Variants in GPC6 observed in about 807,000 individuals in gnomAD.
GPC6 encodes glypican-6.
A neutral mutation model predicts 55.2 loss-of-function variants in GPC6; 14 were observed. The observed-to-expected ratio is 0.25, with a 90% CI of 0.17 to 0.40. The LOEUF (loss-of-function observed/expected upper bound fraction) is 0.40. GPC6 is among the 10% of genes least tolerant of loss of function. The pLI is 1.00. For synonymous variants in GPC6, 278 were observed against 259.6 expected, an observed-to-expected ratio of 1.07 and a Z score of -0.68; for missense variants, 641 against 708.5, an observed-to-expected ratio of 0.90 and a Z score of 1.08.
rs920595202 is a variant in GPC6, at chr13:93,883,194, T to C, written c.711+52649T>C. Among the ~76,000 whole-genome samples, 40 of 150,966 alleles carry C rather than the reference T, an allele frequency of 2.6e-4. 1 individual carries two copies. Among genetic ancestry groups the C allele is most frequent in the African/African-American group, 9.0e-4 (37 of 41,028 alleles). ...GGTAGCAAAAATAATGCATGATCAA[T>C]AGTAAAATTGTAGAAAGAGTGGATC... On this transcript the variant is annotated intron_variant, in intron 3 of 8. Coordinates refer to ENST00000377047, the MANE Select transcript of GPC6 (RefSeq NM_005708.5).
intron 2 of GPC6, among the ~76,000 whole-genome samples, chr13:93,762,168 G>C (rs1180679997): frequency 6.6e-6 from 1 of 152,022 alleles, no homozygotes; most frequent in Admixed American, 6.6e-5. Context: ...TTAATGTAAG[G>C]TTCATCCATG....
chr13:94,266,416 C>T (rs1270673557), intron 4 of GPC6, among the ~76,000 whole-genome samples: 1 of 152,176 alleles, frequency 6.6e-6, no homozygotes, highest in Admixed American at 6.5e-5. Context: ...GATCCGCCCG[C>T]CTTGGCCTCC....
chr13:93,965,102 GTTTGTTTTTTTTT>G lies in GPC6; in HGVS notation c.712-62623_712-62611del, dbSNP rs1407100198. Among the ~76,000 whole-genome samples, 3 of 113,336 alleles carry G rather than the reference GTTTGTTTTTTTTT, an allele frequency of 2.6e-5. No homozygotes were observed. The East Asian group carries it at 9.8e-4, about 37-fold the overall frequency. 74.4% of individuals were successfully genotyped at this position (113,336 alleles called of 152,430 possible). A position where few individuals can be genotyped will look rare whatever the true frequency, so the allele number is the denominator to read the frequency against. ...AGTAAGTATTTGGGAAACACTATGA[GTTTGTTTTTTTTT>G]TTTTTTTTTTTTTTTTTAGCAAGGG... is the stretch of plus-strand genomic sequence containing the variant. On this transcript the variant is annotated intron_variant, in intron 3 of 8. Coordinates refer to ENST00000377047, the MANE Select transcript of GPC6 (RefSeq NM_005708.5).
At chr13:93,287,747 T>C (rs1195435173) in intron 1 of GPC6, among the ~76,000 whole-genome samples, 1 of 152,230 alleles carries the variant, frequency 6.6e-6, no homozygotes, top group East Asian at 1.9e-4. Flanking sequence ...GGAAATGAGA[T>C]CCATATGTTT....
chr13:93,985,786 G>A (rs1161589316), intron 3 of GPC6, among the ~76,000 whole-genome samples: 1 of 150,088 alleles, frequency 6.7e-6, no homozygotes, highest in African/African-American at 2.4e-5. Context: ...TGCTTGTATT[G>A]AATCTGGAAT....
chr13:93,989,921 T>C (rs529280418), intron 3 of GPC6, among the ~76,000 whole-genome samples: 49 of 115,016 alleles, frequency 4.3e-4, no homozygotes, highest in Middle Eastern at 5.0e-3. Context: ...TATACACACA[T>C]ATATATATAT....
chr13:93,738,231 TTATC>T (rs201723201), intron 2 of GPC6, among the ~76,000 whole-genome samples: 3,013 of 152,286 alleles, frequency 0.02, 50 homozygotes, highest in South Asian at 0.033. Context: ...TACCTTATTA[TTATC>T]ATTATTATAT....
chr13:94,336,188 C>T (rs58259931), intron 6 of GPC6, among the ~76,000 whole-genome samples: 6,358 of 152,204 alleles, frequency 0.042, 200 homozygotes, highest in African/African-American at 0.087. Context: ...ACCTCCTGTT[C>T]TCCTGCTAGC....
chr13:93,783,564 A>ATCTATCTG (rs1222571063), intron 2 of GPC6, among the ~76,000 whole-genome samples: 90 of 134,348 alleles, frequency 6.7e-4, no homozygotes, highest in African/African-American at 2.5e-3. Context: ...TGGTTTTGAG[A>ATCTATCTG]TCTATCTATC....
At chr13:94,100,942 G>C (rs571371574) in intron 4 of GPC6, among the ~76,000 whole-genome samples, 6 of 152,304 alleles carry the variant, frequency 3.9e-5, no homozygotes, top group Admixed American at 2.0e-4. Flanking sequence ...GGATATTACA[G>C]TCAATAGGTT....
At chr13:93,676,122 AAAAAATATATATATATATAT>A (rs1203589944) in intron 2 of GPC6, among the ~76,000 whole-genome samples, 42 of 12,154 alleles carry the variant, frequency 3.5e-3, no homozygotes, top group African/African-American at 6.6e-3. Context: ...AAAAAAAAAA[AAAAAATATATATATATATAT>A]ATATATATAT....
intron 6 of GPC6, among the ~76,000 whole-genome samples, chr13:94,377,564 G>A (rs1262239232): frequency 6.7e-6 from 1 of 149,104 alleles, no homozygotes; most frequent in East Asian, 2.0e-4. Context: ...TGGAGAGGAT[G>A]TGGAGAAATA....
chr13:94,264,098 ATC>A (rs1238266300), intron 4 of GPC6, among the ~76,000 whole-genome samples: 1 of 152,126 alleles, frequency 6.6e-6, no homozygotes, highest in Non-Finnish European at 1.5e-5. Flanking sequence ...TTAGTCATTG[ATC>A]TCCCACATAC....
At chr13:93,812,340 C>T (rs1267740082) in intron 2 of GPC6, among the ~76,000 whole-genome samples, 2 of 151,036 alleles carry the variant, frequency 1.3e-5, no homozygotes, top group South Asian at 2.1e-4. Flanking sequence ...GAGCCGAGGT[C>T]GTGCCACTGC....
chr13:93,921,084 C>A (rs779698095), intron 3 of GPC6, among the ~76,000 whole-genome samples: 90 of 152,294 alleles, frequency 5.9e-4, no homozygotes, highest in Non-Finnish European at 1.2e-3. Flanking sequence ...TGCCAGAAAA[C>A]CCTAGCTCTC....
intron 2 of GPC6, among the ~76,000 whole-genome samples, chr13:93,669,263 A>G (rs774209686): frequency 1.3e-5 from 2 of 152,186 alleles, no homozygotes; most frequent in Non-Finnish European, 2.9e-5. Context: ...AGTAGTAACC[A>G]TAGATTATGA....
At chr13:93,406,826 G>A (rs1876309734) in intron 1 of GPC6, among the ~76,000 whole-genome samples, 1 of 152,086 alleles carries the variant, frequency 6.6e-6, no homozygotes, top group South Asian at 2.1e-4. Flanking sequence ...TACGGAGCAT[G>A]AGCTATTTCA....
intron 6 of GPC6, among the ~76,000 whole-genome samples, chr13:94,372,642 C>T (rs1267775553): frequency 1.3e-5 from 2 of 152,076 alleles, no homozygotes; most frequent in African/African-American, 4.8e-5. Flanking sequence ...GGGGGAGGGG[C>T]GCCCGCCATT....
At chr13:93,549,330 G>T (rs1874997607) in intron 2 of GPC6, among the ~76,000 whole-genome samples, 2 of 152,150 alleles carry the variant, frequency 1.3e-5, no homozygotes, top group Non-Finnish European at 2.9e-5. Flanking sequence ...TTAGTGATTA[G>T]CCTGTCAAAT....
Sources: allele counts gnomAD v4.1 joint callset (sites outside exome capture counted in the v4.1 genomes callset), GRCh38; gene constraint gnomAD v4.1.1; transcripts MANE v1.5; gene names NCBI Gene and HGNC (gene_info 2026-07-23, HGNC 2026-07-21).